Variants in AMN1 observed in about 807,000 individuals in gnomAD.
AMN1 encodes the protein protein AMN1 homolog.
AMN1 carries 20 observed loss-of-function variants against 33.0 expected under a neutral mutation model. The ratio of observed to expected loss-of-function variants is 0.61; its 90% CI spans 0.43 to 0.88. The LOEUF (loss-of-function observed/expected upper bound fraction) is 0.88. Ranked by LOEUF, AMN1 falls within the 40% of genes least tolerant of loss-of-function variation. AMN1 has a pLI of 0.00. For missense variants in AMN1, 246 were observed against 307.4 expected (o/e 0.80, Z 1.49); for synonymous variants, 114 against 111.9 (o/e 1.02, Z -0.12).
intron 4 of AMN1, 116 bp downstream of exon 4, chr12:31,697,624 G>C: frequency 8.5e-7 from 1 of 1,172,086 alleles, no homozygotes; most frequent in Non-Finnish European, 1.2e-6. Flanking sequence ...AAAGCATGAA[G>C]TGGTCAATAG....
chr12:31,703,528 C>T (rs1939097035), intron 2 of AMN1, among the ~76,000 whole-genome samples: 1 of 152,126 alleles, frequency 6.6e-6, no homozygotes, highest in African/African-American at 2.4e-5. Flanking sequence ...TTGGCTCCCA[C>T]TTATAAGTGA....
intron 5 of AMN1, among the ~76,000 whole-genome samples, chr12:31,695,178 ATG>A (rs1938667712): frequency 1.3e-5 from 2 of 152,104 alleles, no homozygotes; most frequent in African/African-American, 4.8e-5. Context: ...TAATTTTATA[ATG>A]TTGAGGTAAA....
In AMN1 at chr12:31,683,049, GC is replaced by G. The variant is rs537394934; in HGVS notation, c.703+5957del. 6.8e-6 allele frequency among the ~76,000 whole-genome samples: 1 copy of G among 148,136 alleles called. No homozygotes were observed. Among genetic ancestry groups the G allele is most frequent in the Non-Finnish European group, 1.5e-5 (1 of 67,536 alleles). On this transcript the variant is annotated intron_variant, in intron 6 of 6. Transcript: ENST00000281471. The surrounding 1 kb of genome is among the most constrained non-coding windows in gnomAD (Gnocchi z 4.1). ...ACAATCTTGGCTAATTGCAACCTCT[GC>G]CCCCCAGGCTCAAGTGATCCTCATG...
chr12:31,676,694 A>C (rs1004098603), intron 6 of AMN1, among the ~76,000 whole-genome samples: 1 of 151,644 alleles, frequency 6.6e-6, no homozygotes, highest in East Asian at 2.0e-4. Flanking sequence ...TGAATATGTT[A>C]TCAAACATAT....
chr12:31,717,656 G>A (rs1384379124), intron 1 of AMN1, among the ~76,000 whole-genome samples: 2 of 152,010 alleles, frequency 1.3e-5, no homozygotes, highest in African/African-American at 4.8e-5. Flanking sequence ...ATTCACAAGA[G>A]GCAGTATCAG....
intron 6 of AMN1, among the ~76,000 whole-genome samples, chr12:31,685,794 CAT>C (rs1938231869): frequency 3.4e-4 from 1 of 2,912 alleles, no homozygotes; most frequent in Admixed American, 4.8e-3. Context: ...GAGCAAGACT[CAT>C]TATCAAAAAA....
chr12:31,729,068 C>T, upstream of AMN1: 1 of 1,448,862 alleles, frequency 6.9e-7, no homozygotes, highest in Non-Finnish European at 9.2e-7. Context: ...AGCCAGGGAC[C>T]GTCCGCCAAC....
intron 6 of AMN1, among the ~76,000 whole-genome samples, chr12:31,674,264 C>T (rs544184890): frequency 5.9e-5 from 9 of 152,054 alleles, no homozygotes; most frequent in East Asian, 1.9e-4. Context: ...AAAAATTAGC[C>T]GAGCACTGTG....
intron 1 of AMN1, among the ~76,000 whole-genome samples, chr12:31,709,847 T>G (rs1939400103): frequency 6.6e-6 from 1 of 151,986 alleles, no homozygotes; most frequent in South Asian, 2.1e-4. Context: ...GTATATACAT[T>G]TTATATTAAT....
chr12:31,685,815 G>A (rs116888131), intron 6 of AMN1, among the ~76,000 whole-genome samples: 46 of 42,238 alleles, frequency 1.1e-3, no homozygotes, highest in Middle Eastern at 0.015. Flanking sequence ...AAAAAAGAAA[G>A]AAAGAAAGAA....
intron 1 of AMN1, among the ~76,000 whole-genome samples, chr12:31,727,676 A>AT (rs1354477784): frequency 6.6e-6 from 1 of 152,170 alleles, no homozygotes; most frequent in African/African-American, 2.4e-5. Context: ...CTTATTAGAA[A>AT]TTTCAAAAGT....
chr12:31,672,783 C>A, intron 6 of AMN1: 1 of 166,936 alleles, frequency 6.0e-6, no homozygotes, highest in Admixed American at 6.0e-5. Flanking sequence ...GAATATTTAC[C>A]AAAAAAGTAG....
rs1938388719 is a variant in AMN1 at position 31,689,032 on chromosome 12, G to A, written c.678C>T (p.Leu226=). 6.2e-7 allele frequency: 1 copy of A among 1,612,862 alleles called. No homozygotes were observed. Among genetic ancestry groups the A allele is most frequent in the Non-Finnish European group, 8.5e-7 (1 of 1,179,280 alleles). ...LTYCPQIRIL[L]FHGCPLITDH... The stretch of plus-strand genomic sequence containing the variant: ...CTGTTATCAAGGGGCATCCATGGAA[G>A]AGTAATATACGTATTTGAGGACAGT... Residue 226 remains leucine, a synonymous_variant, in exon 6 of 7, where the codon CTC becomes CTT. Coordinates refer to ENST00000281471, the MANE Select transcript of AMN1 (RefSeq NM_001113402.2).
At chr12:31,714,150 AG>A (rs1939580794) in intron 1 of AMN1, among the ~76,000 whole-genome samples, 1 of 152,106 alleles carries the variant, frequency 6.6e-6, no homozygotes, top group African/African-American at 2.4e-5. Flanking sequence ...TAAAGAAAAA[AG>A]CCCAAAAAAT....
chr12:31,709,480 A>G (rs545529468), intron 1 of AMN1, 55 bp from the exon 2 acceptor site: 2 of 1,550,212 alleles, frequency 1.3e-6, no homozygotes, highest in African/African-American at 2.7e-5. Context: ...GATTCCTAAC[A>G]CTTGTCTTAA....
chr12:31,721,147 C>T lies in AMN1; in HGVS notation c.38+7824G>A, dbSNP rs74085196. Among the ~76,000 whole-genome samples, 1,273 of 152,220 alleles carry T rather than the reference C, an allele frequency of 8.4e-3. 17 individuals carry two copies. The highest frequency in any genetic ancestry group is 0.029 in the African/African-American group (1,197 of 41,516). On this transcript the variant is annotated intron_variant, in intron 1 of 6. Transcript: ENST00000281471. The stretch of plus-strand genomic sequence containing the variant: ...CAGCTGCTTATATATCTGGCTCCTG[C>T]GACAGTCTGATTTGATTGGTGAGGA...
chr12:31,716,161 G>A (rs529725227), intron 1 of AMN1, among the ~76,000 whole-genome samples: 59 of 152,058 alleles, frequency 3.9e-4, no homozygotes, highest in East Asian at 1.9e-4. Flanking sequence ...TATCTGTATC[G>A]TTACATGTAG....
At chr12:31,695,098 G>T (rs1312573734) in intron 5 of AMN1, among the ~76,000 whole-genome samples, 1 of 152,112 alleles carries the variant, frequency 6.6e-6, no homozygotes, top group African/African-American at 2.4e-5. Context: ...AAAATGTAAT[G>T]ATATGGCACT....
intron 5 of AMN1, among the ~76,000 whole-genome samples, chr12:31,690,906 T>G (rs867045692): frequency 3.9e-5 from 6 of 151,948 alleles, no homozygotes; most frequent in Admixed American, 1.3e-4. Flanking sequence ...GAGGCCAGGG[T>G]GGGTGGATCA....
Sources: gnomAD v4.1 joint callset for allele counts (sites outside exome capture counted in the v4.1 genomes callset) on GRCh38, gnomAD v4.1.1 for gene constraint, Gnocchi (gnomAD v3.1) non-coding constraint, MANE v1.5 for transcripts, NCBI Gene and HGNC (gene_info 2026-07-23, HGNC 2026-07-21) for gene names.